The following KAZN variants were observed in gnomAD, a reference collection of about 807,000 sequenced individuals.
The protein encoded by KAZN is kazrin, periplakin interacting protein, also known as kazrin.
A neutral mutation model predicts 87.4 loss-of-function variants in KAZN; 40 were observed. The observed-to-expected ratio is 0.46, with a 90% CI of 0.36 to 0.60. The LOEUF is 0.60. Ranked by LOEUF, KAZN falls within the 20% of genes least tolerant of loss-of-function variation. KAZN has a pLI of 0.00. For missense variants in KAZN, 898 were observed against 1,073.9 expected (o/e 0.84, Z 2.29); for synonymous variants, 466 against 458.3 (o/e 1.02, Z -0.22).
At chr1:14,236,994 A>G (rs915975485) in intron 2 of KAZN, among the ~76,000 whole-genome samples, 1 of 152,248 alleles carries the variant, frequency 6.6e-6, no homozygotes, top group Non-Finnish European at 1.5e-5. Context: ...ACAATCACAT[A>G]TAAACAATGA....
intron 2 of KAZN, among the ~76,000 whole-genome samples, chr1:14,578,510 C>A (rs1287502459): frequency 6.6e-6 from 1 of 151,954 alleles, no homozygotes; most frequent in Non-Finnish European, 1.5e-5. Context: ...CCCTTGTGAT[C>A]GCAAAGGTCA....
chr1:14,349,515 G>T (rs1194438133), intron 2 of KAZN: 1 of 152,186 alleles, frequency 6.6e-6, no homozygotes, highest in Non-Finnish European at 1.5e-5. Flanking sequence ...TAAAGTAGGT[G>T]CTCCACTGAG....
intron 1 of KAZN, among the ~76,000 whole-genome samples, chr1:14,064,371 G>C (rs72641641): frequency 6.6e-6 from 1 of 152,042 alleles, no homozygotes. Context: ...ACCAGAAAAG[G>C]CACGGTCAAC....
At position 15,104,006 on chromosome 1, in the gene KAZN, C is replaced by A; in HGVS notation, c.1882-17C>A. 1 of 1,610,526 alleles carries A rather than the reference C, an allele frequency of 6.2e-7. No homozygotes were observed. Among genetic ancestry groups the A allele is most frequent in the Non-Finnish European group, 8.5e-7 (1 of 1,177,976 alleles). On this transcript the variant is annotated splice_polypyrimidine_tract_variant and intron_variant, in intron 12 of 14. Transcript: ENST00000376030. ...ATGGCCCCTGCAGGCTAACAAGTCCCCTGCCTTTGCCCCCAGGAGTACGCA... is the reference window on the plus strand; with the variant it reads ...ATGGCCCCTGCAGGCTAACAAGTCCACTGCCTTTGCCCCCAGGAGTACGCA...
chr1:14,077,163 C>A (rs1433940255), intron 1 of KAZN, among the ~76,000 whole-genome samples: 1 of 152,122 alleles, frequency 6.6e-6, no homozygotes, highest in African/African-American at 2.4e-5. Context: ...TTACATGGGG[C>A]TTTAGGCTGT....
intron 2 of KAZN, among the ~76,000 whole-genome samples, chr1:14,418,916 T>C (rs536111535): frequency 5.3e-5 from 8 of 152,322 alleles, no homozygotes; most frequent in Admixed American, 4.6e-4. Flanking sequence ...GATGGCTGGA[T>C]GGGGGTTTGT....
At chr1:14,084,246 G>A (rs1643782462) in intron 1 of KAZN, among the ~76,000 whole-genome samples, 1 of 152,204 alleles carries the variant, frequency 6.6e-6, no homozygotes, top group South Asian at 2.1e-4. Flanking sequence ...GAGATGAACA[G>A]GAGTGACCCC....
At chr1:13,902,632 T>C (rs1372951549) in intron 1 of KAZN, among the ~76,000 whole-genome samples, 1 of 152,170 alleles carries the variant, frequency 6.6e-6, no homozygotes, top group Non-Finnish European at 1.5e-5. Context: ...TAGTGTTTGA[T>C]AGCTCTGGAG....
intron 2 of KAZN, among the ~76,000 whole-genome samples, chr1:14,459,703 T>C (rs539896442): frequency 7.2e-5 from 11 of 152,178 alleles, no homozygotes; most frequent in African/African-American, 2.6e-4. Flanking sequence ...CCTAGAGCAA[T>C]GGAAGAACTG....
intron 2 of KAZN, among the ~76,000 whole-genome samples, chr1:14,286,291 G>A (rs1349798378): frequency 6.6e-6 from 1 of 152,122 alleles, no homozygotes; most frequent in African/African-American, 2.4e-5. Context: ...TGTCTTCCAA[G>A]GACACCAATC....
chr1:14,918,105 T>G (rs1444098310), intron 1 of KAZN, among the ~76,000 whole-genome samples: 1 of 151,922 alleles, frequency 6.6e-6, no homozygotes, highest in East Asian at 1.9e-4. Flanking sequence ...TCTCAATCTC[T>G]TAACCTTGTG....
intron 1 of KAZN, among the ~76,000 whole-genome samples, chr1:13,904,802 A>T (rs554711317): frequency 6.6e-6 from 1 of 152,308 alleles, no homozygotes; most frequent in East Asian, 1.9e-4. Context: ...TGCATCTCAG[A>T]TGCAAATCAT....
intron 2 of KAZN, among the ~76,000 whole-genome samples, chr1:14,423,542 C>T (rs893986198): frequency 6.6e-6 from 1 of 152,286 alleles, no homozygotes; most frequent in Middle Eastern, 3.4e-3. Context: ...TCCCCACACA[C>T]AGTACATGCA....
intron 2 of KAZN, among the ~76,000 whole-genome samples, chr1:14,383,149 C>T (rs1429512891): frequency 6.6e-6 from 1 of 152,098 alleles, no homozygotes; most frequent in Non-Finnish European, 1.5e-5. Flanking sequence ...ATCCTTCATC[C>T]ACTTTTTGAT....
intron 1 of KAZN, among the ~76,000 whole-genome samples, chr1:14,617,415 G>A (rs1309513373): frequency 3.3e-5 from 5 of 152,256 alleles, no homozygotes; most frequent in African/African-American, 4.8e-5. Flanking sequence ...ACAGAGACAC[G>A]AAGCCAGAAC....
chr1:14,679,560 C>T (rs1281392577), intron 1 of KAZN, among the ~76,000 whole-genome samples: 1 of 152,120 alleles, frequency 6.6e-6, no homozygotes, highest in Non-Finnish European at 1.5e-5. Context: ...GGAACTAACA[C>T]TCCCTCCCCA....
chr1:14,126,010 G>A (rs770019753), intron 1 of KAZN, among the ~76,000 whole-genome samples: 3 of 152,034 alleles, frequency 2.0e-5, no homozygotes, highest in Admixed American at 6.5e-5. Context: ...GGCCTTAGAG[G>A]CCCTAGTAAG....
chr1:15,076,092 A>AC (rs1476905027), intron 8 of KAZN, among the ~76,000 whole-genome samples: 2 of 152,130 alleles, frequency 1.3e-5, no homozygotes, highest in African/African-American at 4.8e-5. Flanking sequence ...GGGCATGTGG[A>AC]CCAGGAGGGA....
chr1:14,078,241 ATTC>A (rs1443001827), intron 1 of KAZN, among the ~76,000 whole-genome samples: 2 of 152,224 alleles, frequency 1.3e-5, no homozygotes, highest in African/African-American at 4.8e-5. Context: ...CCTGGCAGTT[ATTC>A]TTGTTCATAA....
Sources: allele counts gnomAD v4.1 joint callset (sites outside exome capture counted in the v4.1 genomes callset), GRCh38; gene constraint gnomAD v4.1.1; transcripts MANE v1.5; gene names NCBI Gene and HGNC (gene_info 2026-07-23, HGNC 2026-07-21).